ZNF692: variants seen among roughly 807,000 people sequenced by gnomAD.
ZNF692 encodes the protein AICAR responsive element binding protein.
Under a neutral mutation model 49.0 loss-of-function variants are expected in ZNF692, and 41 were observed. That is an observed-to-expected ratio of 0.84 (90% CI 0.65 to 1.08). ZNF692 has a LOEUF of 1.08. Ranked by LOEUF, ZNF692 falls within the 50% of genes least tolerant of loss-of-function variation. ZNF692 has a pLI of 0.00. For synonymous variants in ZNF692, 288 were observed against 251.5 expected (o/e 1.15, Z -1.37); for missense variants, 662 against 662.2 (o/e 1.00, Z 0.00).
chr1:248,850,251 A>G lies in ZNF692; in HGVS notation c.1519T>C (p.Ser507Pro). Residue 507 changes from serine to proline, a missense_variant, in exon 12 of 12, where the codon TCT (serine) becomes CCT (proline). Coordinates refer to ENST00000306601, the MANE Select transcript of ZNF692 (RefSeq NM_017865.4). ...AGGGTTGGAGCCTGAGGAGATGCAG[A>G]GGGCCTGGACCCCTCGCTGGATCCC... The part of the protein sequence containing the change: ...PLGSSEGSRP[S>P]ASPQAPTLLP... 6.4e-7 allele frequency: 1 copy of G among 1,561,812 alleles called. No individual in the cohort carries two copies. The highest frequency in any genetic ancestry group is 8.7e-7 in the Non-Finnish European group (1 of 1,153,172).
chr1:248,857,608 C>G (rs915048195), intron 3 of ZNF692, 111 bp from the exon 4 acceptor site: 2 of 1,502,140 alleles, frequency 1.3e-6, no homozygotes, highest in African/African-American at 1.4e-5. Flanking sequence ...AACCTCAGCC[C>G]CAGTCCAATT....
chr1:248,850,288 G>C lies in ZNF692; in HGVS notation c.1482C>G (p.Ala494=). 6.2e-7 allele frequency: 1 copy of C among 1,609,498 alleles called. No homozygotes were observed. Among genetic ancestry groups the C allele is most frequent in the African/African-American group, 1.3e-5 (1 of 74,978 alleles). Residue 494 remains alanine, a synonymous_variant, in exon 12 of 12, where the codon GCC becomes GCG. Coordinates refer to ENST00000306601, the MANE Select transcript of ZNF692 (RefSeq NM_017865.4). The part of the protein sequence containing the change: ...GPLEPCPSIS[A]PGPLGSSEGS... The stretch of plus-strand genomic sequence containing the variant: ...CCTCGCTGGATCCCAGAGGCCCAGG[G>C]GCAGAGATGCTGGGACAGGGCTCTA...
In ZNF692 at chr1:248,854,055, G is replaced by A; in HGVS notation, c.1039-4C>T. ...TGTGCTGGTACTTTTTGTGGTGCTA[G>A]AGAAGGAAGTGGGTGGTAGGGAGAG... On this transcript the variant is annotated splice_polypyrimidine_tract_variant and splice_region_variant and intron_variant, in intron 9 of 11. Coordinates refer to ENST00000306601, the MANE Select transcript of ZNF692 (RefSeq NM_017865.4). 6.2e-7 allele frequency: 1 copy of A among 1,612,506 alleles called. No individual in the cohort carries two copies. Among genetic ancestry groups the A allele is most frequent in the Non-Finnish European group, 8.5e-7 (1 of 1,178,506 alleles).
At chr1:248,852,160 G>C (rs533627496) in intron 10 of ZNF692, among the ~76,000 whole-genome samples, 7 of 152,240 alleles carry the variant, frequency 4.6e-5, no homozygotes, top group African/African-American at 1.4e-4. Flanking sequence ...TTGCCCTACT[G>C]TGTCTGCATT....
chr1:248,855,764 C>G lies in ZNF692; in HGVS notation c.842G>C (p.Arg281Thr). ...AGTCTGCTGGGCCGCTTGAGGGGTC[C>G]TGCTGAGCTGTGGCTGCACCCTGAC... ...AEVRVQPQLS[R>T]TPQAAQQTEA... is the part of the protein sequence containing the mutation. The change falls in exon 7 of 12, where the codon AGG becomes ACG. Residue 281 changes from arginine to threonine, a missense_variant. Transcript: ENST00000306601. 2 of 1,614,214 alleles carry G rather than the reference C, an allele frequency of 1.2e-6. No individual in the cohort carries two copies. Among genetic ancestry groups the G allele is most frequent in the African/African-American group, 1.3e-5 (1 of 75,056 alleles).
Position 248,853,936 on chromosome 1 carries a change from C to A in ZNF692, c.1153+1G>T. The stretch of plus-strand genomic sequence containing the variant: ...GAGGAAGGTGGAGTTCCACCACTCA[C>A]CACTGTGCAGCTTCATGTGCTCCTT... On this transcript the variant is annotated splice_donor_variant, in intron 10 of 11. Transcript: ENST00000306601. LOFTEE classifies it high-confidence loss of function. 6.2e-7 allele frequency: 1 copy of A among 1,612,286 alleles called. No individual in the cohort carries two copies. Among genetic ancestry groups the A allele is most frequent in the Non-Finnish European group, 8.5e-7 (1 of 1,178,388 alleles).
intron 3 of ZNF692, 31 bp from the exon 4 acceptor site, chr1:248,857,528 A>C: frequency 6.3e-7 from 1 of 1,594,284 alleles, no homozygotes; most frequent in Non-Finnish European, 8.6e-7. Flanking sequence ...GTCAGGCTGA[A>C]CTGGGAAGTC....
intron 10 of ZNF692, 77 bp from the exon 11 acceptor site, chr1:248,850,858 C>T: frequency 7.9e-7 from 1 of 1,261,892 alleles, no homozygotes; most frequent in Non-Finnish European, 1.1e-6. Flanking sequence ...CCCACTGTCC[C>T]TCACCAGAGT....
At position 248,855,888 on chromosome 1, in the gene ZNF692, CCT is replaced by C; in HGVS notation, c.716_717del (p.Glu239GlyfsTer51). 6.2e-7 allele frequency: 1 copy of C among 1,614,124 alleles called. No homozygotes were observed. Among genetic ancestry groups the C allele is most frequent in the Non-Finnish European group, 8.5e-7 (1 of 1,180,026 alleles). ...GCTGCAGGGGCTGGTGGTGTCTCCC[CCT>C]CTTTAGGTGTGCAGGTGACAGGGGA... ...LPSPVTCTPKEGETPPAPAAL... is the reference protein window; with the variant it reads ...LPSPVTCTPKXGETPPAPAAL... On this transcript the variant is annotated frameshift_variant, in exon 7 of 12. Transcript: ENST00000306601. LOFTEE classifies it high-confidence loss of function.
intron 10 of ZNF692, among the ~76,000 whole-genome samples, chr1:248,853,569 C>T (rs564056956): frequency 4.7e-4 from 72 of 152,312 alleles, no homozygotes; most frequent in African/African-American, 1.6e-3. Flanking sequence ...TCACTTAAGT[C>T]TTTGCTCAAA....
At chr1:248,856,060 CA>C (rs1348387372) in intron 6 of ZNF692, 114 bp from the exon 7 acceptor site, 3 of 1,259,990 alleles carry the variant, frequency 2.4e-6, no homozygotes, top group Non-Finnish European at 3.3e-6. Flanking sequence ...ACCCTACCCC[CA>C]CCCTAGGCTC....
In ZNF692 at chr1:248,858,120, C is replaced by G; in HGVS notation, c.179+11G>C. On this transcript the variant is annotated intron_variant, in intron 2 of 11. Transcript: ENST00000306601. This position sits in a 1 kb window ranked among gnomAD's most constrained non-coding sequence, Gnocchi z 4.3. ...GGTACCCTCCCCCAAGCCCTTCTCC[C>G]GGCCCCTAACCGGTCCAACAGGAAC... is the stretch of plus-strand genomic sequence containing the variant. The G allele has an allele frequency of 6.4e-7, 1 of 1,559,602 alleles. No individual in the cohort carries two copies. Among genetic ancestry groups the G allele is most frequent in the Non-Finnish European group, 8.7e-7 (1 of 1,155,680 alleles).
At chr1:248,856,080 T>TA (rs1404910613) in intron 6 of ZNF692, 134 bp from the exon 7 acceptor site, 3 of 1,193,630 alleles carry the variant, frequency 2.5e-6, no homozygotes, top group Non-Finnish European at 2.3e-6. Context: ...TCCCCATTCA[T>TA]ATCTGCTTTC....
intron 6 of ZNF692, 57 bp from the exon 7 acceptor site, chr1:248,856,003 C>G: frequency 1.3e-6 from 2 of 1,541,134 alleles, no homozygotes; most frequent in Non-Finnish European, 1.8e-6. Context: ...CAGCCATCCC[C>G]TGCCCGACCC....
Position 248,858,290 on chromosome 1 carries a change from A to T in ZNF692, c.20T>A (p.Val7Glu). MASSPA[V>E]DVSCRRREKR... is the part of the protein sequence containing the mutation. ...CTCCCGCCGCCTGCAGGACACGTCC[A>T]CCGCCGGGGAGGAAGCCATGTGCAC... Residue 7 changes from valine to glutamate, a missense_variant, in exon 2 of 12, where the codon GTG (valine) becomes GAG (glutamate). Val to Glu is a moderately radical substitution (Grantham distance 121). Coordinates refer to ENST00000306601, the MANE Select transcript of ZNF692 (RefSeq NM_017865.4). This position sits in a 1 kb window ranked among gnomAD's most constrained non-coding sequence, Gnocchi z 4.3. The T allele has an allele frequency of 1.9e-6, 3 of 1,569,044 alleles. No individual in the cohort carries two copies. Among genetic ancestry groups the T allele is most frequent in the Non-Finnish European group, 1.7e-6 (2 of 1,154,076 alleles).
chr1:248,855,278 G>T, intron 9 of ZNF692, 102 bp downstream of exon 9: 1 of 1,153,040 alleles, frequency 8.7e-7, no homozygotes, highest in Non-Finnish European at 1.3e-6. Context: ...TCTGCTTCCT[G>T]GTTCTGAATC....
At position 248,850,242 on chromosome 1, in the gene ZNF692, G is replaced by A; in HGVS notation, c.1528C>T (p.Pro510Ser). 1 of 1,554,492 alleles carries A rather than the reference G, an allele frequency of 6.4e-7. No individual in the cohort carries two copies. The highest frequency in any genetic ancestry group is 8.7e-7 in the Non-Finnish European group (1 of 1,150,054). ...SSEGSRPSAS[P>S]QAPTLLPQQ ...TGAGGAAGCAGGGTTGGAGCCTGAGGAGATGCAGAGGGCCTGGACCCCTCG... is the reference window on the plus strand; with the variant it reads ...TGAGGAAGCAGGGTTGGAGCCTGAGAAGATGCAGAGGGCCTGGACCCCTCG... Residue 510 changes from proline (P) to serine (S), a missense_variant, in exon 12 of 12, where the codon CCT (proline) becomes TCT (serine). Physicochemically the swap from Pro to Ser is moderately conservative, Grantham distance 74. Transcript: ENST00000306601.
intron 4 of ZNF692, 91 bp from the exon 5 acceptor site, chr1:248,856,653 C>T: frequency 1.3e-6 from 2 of 1,513,650 alleles, no homozygotes; most frequent in East Asian, 2.3e-5. Flanking sequence ...ATGGGAGACT[C>T]CTCTTTTTTT....
intron 10 of ZNF692, 68 bp downstream of exon 10, chr1:248,853,869 C>T (rs938779905): frequency 2.3e-6 from 3 of 1,282,550 alleles, no homozygotes; most frequent in Admixed American, 1.8e-5. Flanking sequence ...CCCACAGAGC[C>T]CAGGGTGACG....
Sources: gnomAD v4.1 joint callset for allele counts (sites outside exome capture counted in the v4.1 genomes callset) on GRCh38, gnomAD v4.1.1 for gene constraint, Gnocchi (gnomAD v3.1) non-coding constraint, MANE v1.5 for transcripts, NCBI Gene and HGNC (gene_info 2026-07-23, HGNC 2026-07-21) for gene names.